TRAK1: variants seen among roughly 807,000 people sequenced by gnomAD.
The protein encoded by TRAK1 is trafficking kinesin-binding protein 1.
TRAK1 carries 33 observed loss-of-function variants against 92.1 expected under a neutral mutation model. The observed-to-expected ratio is 0.36, with a 90% CI of 0.27 to 0.48. TRAK1 has a LOEUF of 0.48. Ranked by LOEUF, TRAK1 falls within the 20% of genes least tolerant of loss-of-function variation. The probability of loss-of-function intolerance (pLI) is 0.99; values close to 1 mark genes in which losing one functional copy is unlikely to be tolerated. For synonymous variants in TRAK1, 521 were observed against 517.3 expected (o/e 1.01, Z -0.10); for missense variants, 1,123 against 1,257.9 (o/e 0.89, Z 1.62).
intron 1 of TRAK1, among the ~76,000 whole-genome samples, chr3:42,112,433 A>T (rs975525534): frequency 2.0e-5 from 3 of 149,126 alleles, no homozygotes; most frequent in Non-Finnish European, 4.5e-5. Flanking sequence ...ATCTCAAAAA[A>T]AAAAGGAAAC....
At chr3:42,085,776 A>G (rs1704642566), upstream of TRAK1, among the ~76,000 whole-genome samples, 1 of 152,218 alleles carries the variant, frequency 6.6e-6, no homozygotes, top group Non-Finnish European at 1.5e-5. Flanking sequence ...CTCCTAAAGC[A>G]TTTTTATTTA....
intron 10 of TRAK1, 40 bp from the exon 11 acceptor site, chr3:42,199,137 T>C (rs184498512): frequency 1.9e-6 from 3 of 1,610,226 alleles, no homozygotes; most frequent in East Asian, 4.5e-5. Flanking sequence ...AGCATTTGAA[T>C]TGGCGCTCAC....
intron 14 of TRAK1, chr3:42,218,880 C>G: frequency 1.0e-6 from 1 of 985,372 alleles, no homozygotes; most frequent in Non-Finnish European, 1.2e-6. Flanking sequence ...CCCTAGAGAG[C>G]CCTGATCTCT....
At chr3:42,126,101 C>A (rs889342096) in intron 2 of TRAK1, among the ~76,000 whole-genome samples, 1 of 151,928 alleles carries the variant, frequency 6.6e-6, no homozygotes, top group Non-Finnish European at 1.5e-5. Flanking sequence ...AGCCACCCAC[C>A]CACCTTGGCC....
intron 1 of TRAK1, among the ~76,000 whole-genome samples, chr3:42,095,644 TAAA>T (rs1388636753): frequency 6.6e-6 from 1 of 152,206 alleles, no homozygotes; most frequent in East Asian, 1.9e-4. Context: ...CCATATTACT[TAAA>T]ATGAATTCAC....
chr3:42,102,431 T>C (rs1482296361), intron 1 of TRAK1, among the ~76,000 whole-genome samples: 2 of 152,262 alleles, frequency 1.3e-5, no homozygotes, highest in African/African-American at 4.8e-5. Context: ...TCTTTTGTGA[T>C]ATCTTCTGTT....
At chr3:42,094,935 G>A (rs1705679281) in intron 1 of TRAK1, among the ~76,000 whole-genome samples, 1 of 152,132 alleles carries the variant, frequency 6.6e-6, no homozygotes, top group South Asian at 2.1e-4. Flanking sequence ...AAGACCCTGG[G>A]GGTGGGTCAG....
chr3:42,154,604 A>T (rs1700334616), intron 2 of TRAK1, among the ~76,000 whole-genome samples: 1 of 150,964 alleles, frequency 6.6e-6, no homozygotes, highest in Non-Finnish European at 1.5e-5. Flanking sequence ...TCATTTTTTA[A>T]TTTTTTTGTA....
chr3:42,194,969 G>C, intron 10 of TRAK1, 28 bp downstream of exon 10: 1 of 1,611,592 alleles, frequency 6.2e-7, no homozygotes, highest in Non-Finnish European at 8.5e-7. Flanking sequence ...CCCAGCCAGA[G>C]GACAGGAGGG....
At chr3:42,093,649 CCCCTTCCCTTCCCTT>C (rs1553713246) in intron 1 of TRAK1, among the ~76,000 whole-genome samples, 847 of 40,520 alleles carry the variant, frequency 0.021, 18 homozygotes, top group East Asian at 0.032. Flanking sequence ...TCTTTTTTCT[CCCCTTCCCTTCCCTT>C]CCCTCCCCTC....
chr3:42,061,065 G>A (rs534361028), intron 1 of TRAK1, among the ~76,000 whole-genome samples: 74 of 152,186 alleles, frequency 4.9e-4, no homozygotes, highest in African/African-American at 1.7e-3. Context: ...TAAATGGTAT[G>A]CTTCAGGCCT....
intron 9 of TRAK1, among the ~76,000 whole-genome samples, chr3:42,194,436 C>T (rs1025576843): frequency 1.3e-5 from 2 of 151,642 alleles, no homozygotes; most frequent in African/African-American, 4.8e-5. Flanking sequence ...GAGGTTTTCC[C>T]ATGTCGCCCA....
At chr3:42,151,936 G>A (rs1700004235) in intron 2 of TRAK1, among the ~76,000 whole-genome samples, 1 of 152,138 alleles carries the variant, frequency 6.6e-6, no homozygotes, top group African/African-American at 2.4e-5. Flanking sequence ...TTTTAAAAAA[G>A]ATGCAGAATC....
At chr3:42,179,010 A>G (rs563571001) in intron 3 of TRAK1, among the ~76,000 whole-genome samples, 2 of 152,106 alleles carry the variant, frequency 1.3e-5, no homozygotes, top group African/African-American at 2.4e-5. Context: ...TTAGAAGCAA[A>G]CTACAGCCAC....
intron 13 of TRAK1, among the ~76,000 whole-genome samples, chr3:42,208,649 G>A (rs569740430): frequency 1.3e-5 from 2 of 152,340 alleles, no homozygotes; most frequent in African/African-American, 2.4e-5. Context: ...GCATCCATTT[G>A]TGCAGGAAGC....
intron 1 of TRAK1, among the ~76,000 whole-genome samples, chr3:42,043,921 A>G (rs1416812481): frequency 1.3e-5 from 2 of 152,288 alleles, no homozygotes; most frequent in East Asian, 3.9e-4. Flanking sequence ...TTACTTTAAA[A>G]TTTATTATAA....
At chr3:42,039,638 A>G (rs1175786440) in intron 1 of TRAK1, among the ~76,000 whole-genome samples, 1 of 152,272 alleles carries the variant, frequency 6.6e-6, no homozygotes, top group Non-Finnish European at 1.5e-5. Flanking sequence ...TGTTGGGATT[A>G]CAGGCGTGAG....
intron 2 of TRAK1, among the ~76,000 whole-genome samples, chr3:42,173,866 G>A (rs78757638): frequency 0.019 from 2,878 of 152,208 alleles, 89 homozygotes; most frequent in African/African-American, 0.064. Context: ...GGGCACCATC[G>A]GTGTTAGCTG....
intron 1 of TRAK1, among the ~76,000 whole-genome samples, chr3:42,024,700 A>AATC (rs1294657685): frequency 6.6e-6 from 1 of 152,212 alleles, no homozygotes; most frequent in Non-Finnish European, 1.5e-5. Flanking sequence ...ACAGGGATAG[A>AATC]ATCTAGTAAT....
Sources: allele counts gnomAD v4.1 joint callset (sites outside exome capture counted in the v4.1 genomes callset), GRCh38; gene constraint gnomAD v4.1.1; transcripts MANE v1.5; gene names NCBI Gene and HGNC (gene_info 2026-07-23, HGNC 2026-07-21).